RBM26: variants seen among roughly 807,000 people sequenced by gnomAD.
RBM26 encodes RNA-binding protein 26.
Under a neutral mutation model 123.6 loss-of-function variants are expected in RBM26, and 30 were observed. The ratio of observed to expected loss-of-function variants is 0.24; its 90% CI spans 0.18 to 0.33. The LOEUF (loss-of-function observed/expected upper bound fraction) is 0.33. RBM26 is among the 10% of genes least tolerant of loss of function. RBM26 has a pLI of 1.00. For synonymous variants in RBM26, 400 were observed against 404.4 expected (o/e 0.99, Z 0.13); for missense variants, 947 against 1,203.6 (o/e 0.79, Z 3.15).
intron 18 of RBM26, among the ~76,000 whole-genome samples, chr13:79,339,251 G>C (rs971994472): frequency 7.9e-5 from 12 of 152,160 alleles, no homozygotes; most frequent in Admixed American, 3.9e-4. Context: ...TGGTTACCAG[G>C]GGCTGTGGGG....
chr13:79,358,209 TTTC>T, intron 11 of RBM26, 62 bp downstream of exon 11: 1 of 1,327,832 alleles, frequency 7.5e-7, no homozygotes, highest in Non-Finnish European at 1.0e-6. Flanking sequence ...TAAAGGTAGT[TTTC>T]TTATTACATT....
intron 20 of RBM26, among the ~76,000 whole-genome samples, chr13:79,333,852 A>G (rs1328528528): frequency 2.6e-5 from 4 of 152,234 alleles, no homozygotes; most frequent in Non-Finnish European, 5.9e-5. Context: ...GCAAAAAGTC[A>G]TAGAAGTCTA....
intron 7 of RBM26, among the ~76,000 whole-genome samples, chr13:79,366,415 G>A (rs2075273299): frequency 6.6e-6 from 1 of 152,174 alleles, no homozygotes; most frequent in Non-Finnish European, 1.5e-5. Context: ...GGTTTTACCA[G>A]TGATATACTT....
chr13:79,314,078 T>C (rs1234572374), downstream of RBM26: 1 of 151,714 alleles, frequency 6.6e-6, no homozygotes, highest in Non-Finnish European at 1.5e-5. Flanking sequence ...AAAAAAGATA[T>C]TGTGGCTACA....
intron 20 of RBM26, among the ~76,000 whole-genome samples, chr13:79,324,371 C>G (rs2068077444): frequency 6.6e-6 from 1 of 151,786 alleles, no homozygotes. Flanking sequence ...ATATATTTAG[C>G]ATAATTAAAG....
intron 1 of RBM26, among the ~76,000 whole-genome samples, chr13:79,401,597 C>A (rs2079056223): frequency 6.6e-6 from 1 of 152,136 alleles, no homozygotes; most frequent in Non-Finnish European, 1.5e-5. Context: ...GTAGTCACAG[C>A]AGGAGTGTTG....
downstream of RBM26, chr13:79,318,678 C>G (rs190005123): frequency 8.5e-4 from 445 of 524,732 alleles, 2 homozygotes; most frequent in African/African-American, 8.3e-3. Flanking sequence ...CTGAAATAAA[C>G]AGAATATGTA....
chr13:79,390,782 A>G (rs973471136), intron 1 of RBM26, among the ~76,000 whole-genome samples: 1 of 152,174 alleles, frequency 6.6e-6, no homozygotes. Context: ...TGTATATTCA[A>G]AATTTTCAAA....
Position 79,319,920 on chromosome 13 carries a change from T to C in RBM26, c.*701A>G. On this transcript the variant is annotated 3_prime_UTR_variant, in exon 22 of 22. Coordinates refer to ENST00000438737, the MANE Select transcript of RBM26 (RefSeq NM_001366735.2). ...TTTCTTTTCTTTTTTCTTTTCTTTT[T>C]TTTTTTAAATCAAGGAACATTGTCT... 1 of 926,012 alleles carries C rather than the reference T, an allele frequency of 1.1e-6. No individual in the cohort carries two copies. Among genetic ancestry groups the C allele is most frequent in the South Asian group, 5.0e-5 (1 of 20,002 alleles). The allele number at this position is 926,012 out of a possible 1,614,324, so 57.4% of individuals were successfully genotyped here. A position where few individuals can be genotyped will look rare whatever the true frequency, so the allele number is the denominator to read the frequency against.
intron 1 of RBM26, among the ~76,000 whole-genome samples, chr13:79,399,184 C>A (rs141487009): frequency 2.0e-5 from 3 of 152,162 alleles, no homozygotes; most frequent in Non-Finnish European, 4.4e-5. Flanking sequence ...ACTGGAATCA[C>A]ACTTGATCTT....
At chr13:79,354,592 T>TA in intron 12 of RBM26, 22 bp from the exon 13 acceptor site, 2 of 1,555,960 alleles carry the variant, frequency 1.3e-6, no homozygotes, top group African/African-American at 1.4e-5. Flanking sequence ...GAAAAAATGT[T>TA]AAACAAGTTG....
chr13:79,390,684 C>T (rs373648120), intron 1 of RBM26, among the ~76,000 whole-genome samples: 6 of 152,028 alleles, frequency 3.9e-5, no homozygotes, highest in African/African-American at 1.4e-4. Context: ...CTGAAATGAA[C>T]CAAAGGATAA....
downstream of RBM26, among the ~76,000 whole-genome samples, chr13:79,317,567 G>C (rs1254179390): frequency 6.6e-6 from 1 of 151,688 alleles, no homozygotes; most frequent in African/African-American, 2.4e-5. Context: ...ATAAAAATTA[G>C]TGGGATGGAC....
At chr13:79,338,550 G>A (rs1246318012) in intron 18 of RBM26, among the ~76,000 whole-genome samples, 1 of 152,154 alleles carries the variant, frequency 6.6e-6, no homozygotes, top group Non-Finnish European at 1.5e-5. Context: ...GCTGGATGGA[G>A]AGATAAGCCT....
chr13:79,350,739 T>TA (rs1282097618), intron 14 of RBM26, among the ~76,000 whole-genome samples: 2 of 151,464 alleles, frequency 1.3e-5, no homozygotes, highest in South Asian at 2.1e-4. Context: ...TCATTTTTTT[T>TA]AAAAAAAGAA....
chr13:79,374,865 A>G (rs2076498369), intron 3 of RBM26, among the ~76,000 whole-genome samples: 1 of 151,832 alleles, frequency 6.6e-6, no homozygotes, highest in Non-Finnish European at 1.5e-5. Flanking sequence ...TATCTCCCAC[A>G]ATTGGTTGAA....
chr13:79,386,583 T>G (rs1390098664), intron 1 of RBM26, among the ~76,000 whole-genome samples: 2 of 86,900 alleles, frequency 2.3e-5, no homozygotes, highest in Admixed American at 3.1e-4. Context: ...GCCACAGAAC[T>G]CTCTCTTTAA....
rs540807317 is a variant in RBM26 at position 79,338,289 on chromosome 13, T to C, written c.2533-987A>G. On this transcript the variant is annotated intron_variant, in intron 18 of 21. Transcript: ENST00000438737. ...CAAAACGTGAAGAAATGCTTTAAGATTCGAAAAGAACTTCAAAGATTTGCA... is the reference window on the plus strand; with the variant it reads ...CAAAACGTGAAGAAATGCTTTAAGACTCGAAAAGAACTTCAAAGATTTGCA... Among the ~76,000 whole-genome samples, 6 of 152,322 alleles carry C rather than the reference T, an allele frequency of 3.9e-5. No homozygotes were observed. The East Asian group carries it at 1.2e-3, about 29-fold the overall frequency.
At chr13:79,359,247 C>A (rs1323791120) in intron 10 of RBM26, among the ~76,000 whole-genome samples, 2 of 152,142 alleles carry the variant, frequency 1.3e-5, no homozygotes, top group Admixed American at 6.5e-5. Flanking sequence ...CTGATCTATA[C>A]CTCCTTCCTC....
Sources: allele counts gnomAD v4.1 joint callset (sites outside exome capture counted in the v4.1 genomes callset), GRCh38; gene constraint gnomAD v4.1.1; transcripts MANE v1.5; gene names NCBI Gene and HGNC (gene_info 2026-07-23, HGNC 2026-07-21).